DZIP1: variants seen among roughly 807,000 people sequenced by gnomAD.
The protein encoded by DZIP1 is cilium assembly protein DZIP1.
A neutral mutation model predicts 107.6 loss-of-function variants in DZIP1; 97 were observed. That is an observed-to-expected ratio of 0.90 (90% CI 0.77 to 1.07). The LOEUF (loss-of-function observed/expected upper bound fraction) is 1.07, where lower values mean the gene tolerates loss of function less well. Ranked by LOEUF, DZIP1 falls within the 50% of genes least tolerant of loss-of-function variation. DZIP1 has a pLI of 0.00. For synonymous variants in DZIP1, 390 were observed against 386.4 expected (o/e 1.01, Z -0.11); for missense variants, 1,035 against 1,063.6 (o/e 0.97, Z 0.37).
intron 17 of DZIP1, 117 bp from the exon 18 acceptor site, chr13:95,590,049 G>A: frequency 7.4e-7 from 1 of 1,351,502 alleles, no homozygotes; most frequent in South Asian, 1.5e-5. Context: ...CCCATCTCTA[G>A]GGTTTAAAGC....
chr13:95,580,160 C>A lies in DZIP1; in HGVS notation c.*2074G>T, dbSNP rs1326010423. 6.6e-6 allele frequency: 1 copy of A among 151,772 alleles called. No homozygotes were observed. Among genetic ancestry groups the A allele is most frequent in the Non-Finnish European group, 1.5e-5 (1 of 67,980 alleles). The allele number at this position is 151,772 out of a possible 1,614,324, so 9.4% of individuals were successfully genotyped here. ...GACCAGTCTGGCCAACATGGTGAAA[C>A]CTCATCTCTACTAAAAATACAAAAA... is the stretch of plus-strand genomic sequence containing the variant. On this transcript the variant is annotated 3_prime_UTR_variant, in exon 23 of 23. Transcript: ENST00000376829.
At chr13:95,609,226 AATTGTGAAATAAT>A in intron 13 of DZIP1, among the ~76,000 whole-genome samples, 2 of 152,394 alleles carry the variant, frequency 1.3e-5, no homozygotes, top group East Asian at 3.9e-4. Context: ...TTTTTAGACA[AATTGTGAAATAAT>A]AGCTATAGCT....
chr13:95,587,208 C>G (rs1423670521), intron 20 of DZIP1, among the ~76,000 whole-genome samples: 1 of 152,140 alleles, frequency 6.6e-6, no homozygotes, highest in Non-Finnish European at 1.5e-5. Flanking sequence ...CCTGGCAGCC[C>G]TCACAGGAAC....
intron 16 of DZIP1, among the ~76,000 whole-genome samples, chr13:95,591,370 A>C (rs1046604049): frequency 6.6e-6 from 1 of 152,220 alleles, no homozygotes; most frequent in Non-Finnish European, 1.5e-5. Context: ...TAAAGAGACA[A>C]TTTGAGAAAA....
At chr13:95,594,893 T>C (rs2044403084) in intron 15 of DZIP1, among the ~76,000 whole-genome samples, 2 of 149,994 alleles carry the variant, frequency 1.3e-5, no homozygotes, top group South Asian at 4.2e-4. Context: ...AAAAAAAAAG[T>C]CAAGTTCAAG....
In DZIP1 at chr13:95,644,382, C is replaced by G. The variant is rs1349665530; in HGVS notation, c.-531G>C. The G allele has an allele frequency of 6.6e-6, 1 of 152,554 alleles. No individual in the cohort carries two copies. Among genetic ancestry groups the G allele is most frequent in the African/African-American group, 2.4e-5 (1 of 41,460 alleles). The allele number at this position is 152,554 out of a possible 1,614,324, so 9.5% of individuals were successfully genotyped here. On this transcript the variant is annotated 5_prime_UTR_variant, in exon 1 of 23. Coordinates refer to ENST00000376829, the MANE Select transcript of DZIP1 (RefSeq NM_198968.4). The stretch of plus-strand genomic sequence containing the variant: ...CATCCCCGGTCTCGGCTCACCCCAG[C>G]TGCGCGCTCCTGGGCGGGTGCCGGG...
chr13:95,600,878 T>A (rs1047186913), intron 14 of DZIP1, among the ~76,000 whole-genome samples: 4 of 152,176 alleles, frequency 2.6e-5, no homozygotes, highest in Non-Finnish European at 5.9e-5. Context: ...AATATGCTTT[T>A]CAAATTTGTT....
In DZIP1 at chr13:95,641,527, C is replaced by G. The variant is rs1351986526; in HGVS notation, c.365G>C (p.Arg122Pro). Residue 122 changes from arginine to proline, a missense_variant, in exon 5 of 23, where the codon CGT (arginine) becomes CCT (proline). Arg to Pro is a moderately radical substitution (Grantham distance 103, BLOSUM62 -2). Transcript: ENST00000376829. This position sits in a 1 kb window ranked among gnomAD's most constrained non-coding sequence, Gnocchi z 4.3. ...GVDPVLLKLI[R>P]LAQFTIEYLL... ...GTACTCGATGGTGAACTGCGCCAGA[C>G]GGATGAGCTTCAGCAGCACCGGGTC... 6.2e-7 allele frequency: 1 copy of G among 1,613,942 alleles called. No individual in the cohort carries two copies. Among genetic ancestry groups the G allele is most frequent in the East Asian group, 2.2e-5 (1 of 44,894 alleles).
Position 95,641,645 on chromosome 13 carries a change from C to G in DZIP1, c.247G>C (p.Ala83Pro), listed in dbSNP as rs781323042. The change falls in exon 5 of 23, where the codon GCT (alanine) becomes CCT (proline). Residue 83 changes from alanine (A) to proline (P), a missense_variant. By Grantham distance (27) the Ala-to-Pro change is conservative. Coordinates refer to ENST00000376829, the MANE Select transcript of DZIP1 (RefSeq NM_198968.4). The surrounding 1 kb of genome is among the most constrained non-coding windows in gnomAD (Gnocchi z 4.3). Reference sequence around the variant, plus strand: ...TCCTGCAGCGTCAGCACGTCCACAGCCCCCGCCACCTTGTCCACGTCGATG... The same window carrying G: ...TCCTGCAGCGTCAGCACGTCCACAGGCCCCGCCACCTTGTCCACGTCGATG... The part of the protein sequence containing the change: ...SAIDVDKVAG[A>P]VDVLTLQENI... The G allele has an allele frequency of 6.2e-7, 1 of 1,609,692 alleles. No homozygotes were observed. Among genetic ancestry groups the G allele is most frequent in the South Asian group, 1.1e-5 (1 of 91,088 alleles).
intron 5 of DZIP1, among the ~76,000 whole-genome samples, chr13:95,637,585 A>G (rs1020704611): frequency 2.0e-5 from 3 of 147,274 alleles, no homozygotes; most frequent in African/African-American, 7.5e-5. Context: ...AAAAAAAGAA[A>G]AAGAGAGAGA....
chr13:95,608,235 A>G (rs1473979058), intron 13 of DZIP1, among the ~76,000 whole-genome samples: 1 of 152,148 alleles, frequency 6.6e-6, no homozygotes, highest in Non-Finnish European at 1.5e-5. Flanking sequence ...CCAATCAGTA[A>G]AAGTTCCCCC....
At chr13:95,640,159 A>G (rs1878328046) in intron 5 of DZIP1, among the ~76,000 whole-genome samples, 1 of 151,884 alleles carries the variant, frequency 6.6e-6, no homozygotes, top group African/African-American at 2.4e-5. Context: ...AGCCCAGCGA[A>G]TTTTGGTATT....
rs1878787140 is a variant in DZIP1, at chr13:95,643,706, A to G, written c.-525-8T>C. The G allele has an allele frequency of 6.5e-6, 1 of 152,726 alleles. No individual in the cohort carries two copies. Among genetic ancestry groups the G allele is most frequent in the Non-Finnish European group, 1.5e-5 (1 of 68,090 alleles). 9.5% of individuals were successfully genotyped at this position (152,726 alleles called of 1,614,324 possible). A position where few individuals can be genotyped will look rare whatever the true frequency, so the allele number is the denominator to read the frequency against. Reference sequence around the variant, plus strand: ...AGTATACGTCCCTAGAACCTAGCAGAGGACAGGCACGGAGAAGGCGTTCAG... The same window carrying G: ...AGTATACGTCCCTAGAACCTAGCAGGGGACAGGCACGGAGAAGGCGTTCAG... On this transcript the variant is annotated splice_polypyrimidine_tract_variant and splice_region_variant and intron_variant, in intron 1 of 22. Coordinates refer to ENST00000376829, the MANE Select transcript of DZIP1 (RefSeq NM_198968.4).
Position 95,641,966 on chromosome 13 carries a change from G to T in DZIP1, c.36+28C>A. On this transcript the variant is annotated intron_variant, in intron 4 of 22. Transcript: ENST00000376829. The surrounding 1 kb of genome is among the most constrained non-coding windows in gnomAD (Gnocchi z 4.3). ...TTCTCCCCAGCCCGGCATCCCCGTC[G>T]GGGGCGCCCCGGCCTCCCGCCTCTT... 6.4e-7 allele frequency: 1 copy of T among 1,571,920 alleles called. No homozygotes were observed. The highest frequency in any genetic ancestry group is 8.6e-7 in the Non-Finnish European group (1 of 1,164,666).
rs751163532 is a variant in DZIP1 at position 95,599,391 on chromosome 13, A to G, written c.1511T>C (p.Ile504Thr). 11 of 1,613,728 alleles carry G rather than the reference A, an allele frequency of 6.8e-6. No individual in the cohort carries two copies. The Admixed American group carries it at 1.0e-4, about 15-fold the overall frequency. ...TTTTTCTTCCTCTGAAAGTTCTTCT[A>G]TTGGTTCCAGTATGTGCGACGAGAA... ...QAFSSHILEP[I>T]EELSEEEKGR... Residue 504 changes from isoleucine to threonine, a missense_variant, in exon 15 of 23, where the codon ATA becomes ACA. Ile to Thr is a moderately conservative substitution (Grantham distance 89). Transcript: ENST00000376829.
intron 12 of DZIP1, among the ~76,000 whole-genome samples, chr13:95,610,122 CAG>C (rs1162498334): frequency 6.9e-5 from 5 of 72,178 alleles, no homozygotes; most frequent in East Asian, 3.9e-4. Flanking sequence ...GAGAGAGAGA[CAG>C]AGAGAGAGAG....
intron 5 of DZIP1, among the ~76,000 whole-genome samples, chr13:95,634,906 A>G (rs891660041): frequency 2.6e-5 from 4 of 152,226 alleles, no homozygotes; most frequent in Non-Finnish European, 5.9e-5. Flanking sequence ...ATAATTATTA[A>G]TAACTGGATC....
chr13:95,603,130 G>A (rs1208868619), intron 14 of DZIP1, among the ~76,000 whole-genome samples: 2 of 151,666 alleles, frequency 1.3e-5, no homozygotes, highest in South Asian at 2.1e-4. Flanking sequence ...AACCAGCCTG[G>A]GCAACATAAT....
chr13:95,616,386 T>A (rs1875071771), intron 10 of DZIP1, among the ~76,000 whole-genome samples: 1 of 152,120 alleles, frequency 6.6e-6, no homozygotes, highest in South Asian at 2.1e-4. Flanking sequence ...AATGATGCCC[T>A]AGCTAGCTAC....
Sources: allele counts gnomAD v4.1 joint callset (sites outside exome capture counted in the v4.1 genomes callset), GRCh38; gene constraint gnomAD v4.1.1; non-coding constraint Gnocchi (gnomAD v3.1); transcripts MANE v1.5; gene names NCBI Gene and HGNC (gene_info 2026-07-23, HGNC 2026-07-21).